Variants in PCDHA8 observed in about 807,000 individuals in gnomAD.
PCDHA8 encodes the protein protocadherin alpha 8, also known as protocadherin alpha-8.
PCDHA8 carries 53 observed loss-of-function variants against 61.8 expected under a neutral mutation model. That is an observed-to-expected ratio of 0.86 (90% CI 0.69 to 1.08). The LOEUF (loss-of-function observed/expected upper bound fraction) is 1.08, where lower values mean the gene tolerates loss of function less well. Ranked by LOEUF, PCDHA8 falls within the 50% of genes least tolerant of loss-of-function variation. PCDHA8 has a pLI of 0.00. For synonymous variants in PCDHA8, 618 were observed against 556.6 expected (o/e 1.11, Z -1.55); for missense variants, 1,293 against 1,245.0 (o/e 1.04, Z -0.58).
chr5:140,972,660 ATTTT>A (rs11350929), intron 1 of PCDHA8, among the ~76,000 whole-genome samples: 1 of 117,264 alleles, frequency 8.5e-6, no homozygotes. Flanking sequence ...AAGAAACCAA[ATTTT>A]TTTTTTTTTT....
chr5:140,897,561 G>A (rs1168105225), intron 1 of PCDHA8, among the ~76,000 whole-genome samples: 1 of 151,976 alleles, frequency 6.6e-6, no homozygotes, highest in Non-Finnish European at 1.5e-5. Flanking sequence ...GTGTATATGT[G>A]CCACATTTTC....
At chr5:140,943,650 C>A (rs2093540673) in intron 1 of PCDHA8, among the ~76,000 whole-genome samples, 1 of 151,974 alleles carries the variant, frequency 6.6e-6, no homozygotes, top group African/African-American at 2.4e-5. Flanking sequence ...ATAAAACCAT[C>A]TATGAACAAT....
intron 3 of PCDHA8, among the ~76,000 whole-genome samples, chr5:140,998,540 T>TA (rs1304307081): frequency 6.6e-6 from 1 of 151,542 alleles, no homozygotes; most frequent in African/African-American, 2.4e-5. Context: ...CCCTAATTCC[T>TA]AATTTAATGT....
intron 3 of PCDHA8, among the ~76,000 whole-genome samples, chr5:140,985,991 A>G (rs575854221): frequency 2.7e-4 from 41 of 152,022 alleles, no homozygotes; most frequent in African/African-American, 9.2e-4. Context: ...CGCCCACCTC[A>G]GCCTCCCAAA....
At chr5:140,944,354 A>G (rs2093646021) in intron 1 of PCDHA8, among the ~76,000 whole-genome samples, 1 of 151,968 alleles carries the variant, frequency 6.6e-6, no homozygotes, top group South Asian at 2.1e-4. Flanking sequence ...CACCTGGCTA[A>G]TTTTTAATTT....
At chr5:140,979,710 A>G (rs1178718053) in intron 2 of PCDHA8, among the ~76,000 whole-genome samples, 1 of 152,268 alleles carries the variant, frequency 6.6e-6, no homozygotes, top group Non-Finnish European at 1.5e-5. Flanking sequence ...GAGGTGATCC[A>G]GTATCCATGC....
At position 140,856,216 on chromosome 5, in the gene PCDHA8, G is replaced by A. The variant is rs782147679; in HGVS notation, c.2394+12501G>A. ...CGCAGGACCTGGGGCTGGAGCTGGC[G>A]GAGCTGGTGCAGCGCCTGTTCCGGG... On this transcript the variant is annotated intron_variant, in intron 1 of 3. Coordinates refer to ENST00000531613, the MANE Select transcript of PCDHA8 (RefSeq NM_018911.3). The A allele has an allele frequency of 8.1e-6, 13 of 1,597,922 alleles. 1 individual carries two copies. The Admixed American group carries it at 1.5e-4, about 19-fold the overall frequency.
chr5:140,866,372 AT>A (rs1191186521), intron 1 of PCDHA8: 2 of 152,168 alleles, frequency 1.3e-5, no homozygotes, highest in East Asian at 3.8e-4. Context: ...GCATACTTCA[AT>A]AACAATTTTA....
intron 3 of PCDHA8, among the ~76,000 whole-genome samples, chr5:140,985,903 C>G (rs1554247500): frequency 6.6e-6 from 1 of 151,964 alleles, no homozygotes; most frequent in Non-Finnish European, 1.5e-5. Context: ...CCACTCCCGT[C>G]TAATTTTTTG....
intron 1 of PCDHA8, among the ~76,000 whole-genome samples, chr5:140,880,921 T>C (rs187033233): frequency 6.6e-6 from 1 of 152,272 alleles, no homozygotes; most frequent in East Asian, 1.9e-4. Context: ...AGAAATACTA[T>C]GTTAGTAAAA....
intron 1 of PCDHA8, chr5:140,875,879 G>A: frequency 6.2e-7 from 1 of 1,614,214 alleles, no homozygotes. Context: ...TTCAGAGAAA[G>A]GGAACAAAAG....
intron 1 of PCDHA8, chr5:140,871,257 G>T (rs374337862): frequency 6.8e-6 from 11 of 1,613,808 alleles, no homozygotes; most frequent in Admixed American, 1.7e-5. Flanking sequence ...TGCTGTATAC[G>T]GCGCTGTGGT....
At chr5:140,882,282 G>A in intron 1 of PCDHA8, 3 of 1,612,830 alleles carry the variant, frequency 1.9e-6, no homozygotes, top group Non-Finnish European at 2.5e-6. Context: ...CTGTCTTCCT[G>A]GCAAGGAGGC....
At chr5:140,966,811 G>T (rs377370256) in intron 1 of PCDHA8, 6 of 1,549,722 alleles carry the variant, frequency 3.9e-6, no homozygotes, top group African/African-American at 1.4e-5. Context: ...AGCATCCACG[G>T]CTCCGGCGGC....
rs552420407 is a variant in PCDHA8, at chr5:140,883,937, G to A, written c.2394+40222G>A. Reference sequence around the variant, plus strand: ...CGTGACGCTGCAGGTGTTCGTGCTGGACGAGAACGACAACGCTCCGGCGCT... The same window carrying A: ...CGTGACGCTGCAGGTGTTCGTGCTGAACGAGAACGACAACGCTCCGGCGCT... On this transcript the variant is annotated intron_variant, in intron 1 of 3. Transcript: ENST00000531613. The A allele has an allele frequency of 5.6e-6, 9 of 1,613,414 alleles. 1 individual carries two copies. The South Asian group carries it at 9.9e-5, about 18-fold the overall frequency.
At chr5:140,913,706 C>A (rs1431880255) in intron 1 of PCDHA8, among the ~76,000 whole-genome samples, 4 of 152,054 alleles carry the variant, frequency 2.6e-5, no homozygotes, top group Non-Finnish European at 5.9e-5. Context: ...CCAATGTAGG[C>A]AATTACAGCT....
At chr5:140,851,915 T>G (rs1554145604) in intron 1 of PCDHA8, 1 of 967,000 alleles carries the variant, frequency 1.0e-6, no homozygotes, top group Non-Finnish European at 1.2e-6. Context: ...TGTCACTACA[T>G]GTTATGTTTC....
chr5:140,915,517 G>T (rs982535213), intron 1 of PCDHA8, among the ~76,000 whole-genome samples: 17 of 152,066 alleles, frequency 1.1e-4, no homozygotes, highest in African/African-American at 4.1e-4. Flanking sequence ...TTGCAGACTA[G>T]TAGAGGTACC....
chr5:140,969,529 T>C, intron 1 of PCDHA8: 1 of 1,377,800 alleles, frequency 7.3e-7, no homozygotes, highest in Non-Finnish European at 9.7e-7. Flanking sequence ...GTTTTATTTT[T>C]CATTTTCAGA....
Sources: allele counts gnomAD v4.1 joint callset (sites outside exome capture counted in the v4.1 genomes callset), GRCh38; gene constraint gnomAD v4.1.1; transcripts MANE v1.5; gene names NCBI Gene and HGNC (gene_info 2026-07-23, HGNC 2026-07-21).